AP5M1: variants seen among roughly 807,000 people sequenced by gnomAD.
AP5M1 encodes adaptor related protein complex 5 subunit mu 1.
In AP5M1, 44 loss-of-function variants were observed where a neutral mutation model predicts 52.3. That is an observed-to-expected ratio of 0.84 (90% confidence interval 0.66 to 1.08). The LOEUF (loss-of-function observed/expected upper bound fraction) is 1.08, where lower values mean the gene tolerates loss of function less well. Among genes scored for constraint, AP5M1 ranks in the 50% least tolerant of loss-of-function variants. The pLI, the probability that AP5M1 is intolerant of heterozygous loss-of-function variation, is 0.00. For missense variants in AP5M1, 526 were observed against 568.4 expected (o/e 0.93, Z 0.76); for synonymous variants, 213 against 199.0 (o/e 1.07, Z -0.59).
chr14:57,277,705 G>T (rs1478586149), intron 2 of AP5M1, among the ~76,000 whole-genome samples: 1 of 112,220 alleles, frequency 8.9e-6, no homozygotes, highest in Non-Finnish European at 1.6e-5. Flanking sequence ...TCAAATAGTA[G>T]GTAAAACATT....
chr14:57,281,414 A>G (rs1195797064), intron 3 of AP5M1, among the ~76,000 whole-genome samples: 1 of 152,242 alleles, frequency 6.6e-6, no homozygotes, highest in African/African-American at 2.4e-5. Context: ...AGAATGCAAT[A>G]GGCAATCTCA....
intron 2 of AP5M1, among the ~76,000 whole-genome samples, chr14:57,277,804 T>C (rs1381354052): frequency 6.7e-6 from 1 of 150,168 alleles, no homozygotes; most frequent in Non-Finnish European, 1.5e-5. Flanking sequence ...TTTTTTATTA[T>C]TGTTTTCTAC....
In AP5M1 at chr14:57,296,771, G is replaced by T. The variant is rs1885562030; in HGVS notation, c.*7887G>T. 1 of 152,046 alleles carries T rather than the reference G, an allele frequency of 6.6e-6. No homozygotes were observed. Among genetic ancestry groups the T allele is most frequent in the Admixed American group, 6.6e-5 (1 of 15,220 alleles). 9.4% of individuals were successfully genotyped at this position (152,046 alleles called of 1,614,324 possible). On this transcript the variant is annotated 3_prime_UTR_variant, in exon 8 of 8. Coordinates refer to ENST00000261558, the MANE Select transcript of AP5M1 (RefSeq NM_018229.4). ...TGCTGAGCAATATGGTTGAGAGGGA[G>T]ACCTTAATTTAGTCAATAAAAATTC...
At chr14:57,282,037 GT>G in intron 3 of AP5M1, 51 bp from the exon 4 acceptor site, 10 of 1,460,918 alleles carry the variant, frequency 6.8e-6, no homozygotes, top group Non-Finnish European at 9.1e-6. Context: ...TACTTTTGTT[GT>G]TTTAGACTCA....
chr14:57,297,629 G>A lies in AP5M1; in HGVS notation c.*8745G>A, dbSNP rs978671647. On this transcript the variant is annotated 3_prime_UTR_variant, in exon 8 of 8. Transcript: ENST00000261558. ...AGAAAAATACAAGCTCTAGAGTAGTGGCCTCACATTGATTTATATTAGTGT... is the reference window on the plus strand; with the variant it reads ...AGAAAAATACAAGCTCTAGAGTAGTAGCCTCACATTGATTTATATTAGTGT... 2 of 151,870 alleles carry A rather than the reference G, an allele frequency of 1.3e-5. No individual in the cohort carries two copies. Among genetic ancestry groups the A allele is most frequent in the Non-Finnish European group, 2.9e-5 (2 of 67,922 alleles). The allele number at this position is 151,870 out of a possible 1,614,324, so 9.4% of individuals were successfully genotyped here.
At chr14:57,285,720 G>A (rs10132705) in intron 6 of AP5M1, among the ~76,000 whole-genome samples, 5,195 of 152,146 alleles carry the variant, frequency 0.034, 309 homozygotes, top group African/African-American at 0.12. Flanking sequence ...ATTAGAAGGT[G>A]TATACTTTCC....
In AP5M1 at chr14:57,295,969, T is replaced by C. The variant is rs1885543811; in HGVS notation, c.*7085T>C. 1 of 151,972 alleles carries C rather than the reference T, an allele frequency of 6.6e-6. No individual in the cohort carries two copies. Among genetic ancestry groups the C allele is most frequent in the Non-Finnish European group, 1.5e-5 (1 of 67,938 alleles). 9.4% of individuals were successfully genotyped at this position (151,972 alleles called of 1,614,324 possible). A position where few individuals can be genotyped will look rare whatever the true frequency, so the allele number is the denominator to read the frequency against. ...AGAGCTACAGTTATTTTGAACTACC[T>C]CGTAAAGACTACATTGAGAATGAAA... On this transcript the variant is annotated 3_prime_UTR_variant, in exon 8 of 8. Coordinates refer to ENST00000261558, the MANE Select transcript of AP5M1 (RefSeq NM_018229.4).
At chr14:57,276,505 G>A (rs548929949) in intron 2 of AP5M1, among the ~76,000 whole-genome samples, 4 of 152,114 alleles carry the variant, frequency 2.6e-5, no homozygotes, top group South Asian at 2.1e-4. Flanking sequence ...GAACTGGGAG[G>A]CAGAGGCTGC....
At chr14:57,271,165 C>T (rs970566551) in intron 1 of AP5M1, 1 of 152,260 alleles carries the variant, frequency 6.6e-6, no homozygotes, top group Non-Finnish European at 1.5e-5. Flanking sequence ...CTGTAGTACT[C>T]ATGGTTCACA....
Position 57,269,009 on chromosome 14 carries a change from G to A in AP5M1, c.-306G>A. On this transcript the variant is annotated 5_prime_UTR_variant, in exon 1 of 8. Transcript: ENST00000261558. Reference sequence around the variant, plus strand: ...CCGTGTATGAGGAACTTTGATCCTTGCGGGCCACCATTCCGGAAGTAGAAT... The same window carrying A: ...CCGTGTATGAGGAACTTTGATCCTTACGGGCCACCATTCCGGAAGTAGAAT... 1.8e-6 allele frequency: 1 copy of A among 555,244 alleles called. No individual in the cohort carries two copies. The highest frequency in any genetic ancestry group is 3.1e-6 in the Non-Finnish European group (1 of 318,664). The allele number at this position is 555,244 out of a possible 1,614,324, so 34.4% of individuals were successfully genotyped here.
rs186137808 is a variant in AP5M1, at chr14:57,290,808, C to T, written c.*1924C>T. On this transcript the variant is annotated 3_prime_UTR_variant, in exon 8 of 8. Coordinates refer to ENST00000261558, the MANE Select transcript of AP5M1 (RefSeq NM_018229.4). ...GATGCTTTTGATTTTGTCTAGAAAC[C>T]TGTCACTTCAGGATAATTTCTGAAG... The T allele has an allele frequency of 3.9e-5, 6 of 151,986 alleles. No homozygotes were observed. The highest frequency in any genetic ancestry group is 1.2e-4 in the African/African-American group (5 of 41,526). The allele number at this position is 151,986 out of a possible 1,614,324, so 9.4% of individuals were successfully genotyped here. A position where few individuals can be genotyped will look rare whatever the true frequency, so the allele number is the denominator to read the frequency against.
Position 57,282,171 on chromosome 14 carries a change from AT to A in AP5M1, c.1032del (p.His344GlnfsTer4). 6.3e-7 allele frequency: 1 copy of A among 1,579,494 alleles called. No individual in the cohort carries two copies. Among genetic ancestry groups the A allele is most frequent in the Non-Finnish European group, 8.6e-7 (1 of 1,167,514 alleles). On this transcript the variant is annotated frameshift_variant, in exon 4 of 8. Transcript: ENST00000261558. LOFTEE classifies it high-confidence loss of function. The stretch of plus-strand genomic sequence containing the variant: ...AGAATAACCATTAATTTAAAACTTC[AT>A]GAAAGTGTGAAAAATAATTTTGAAT... ...QLRITINLKL[H>X]ESVKNNFEFC...
chr14:57,284,858 G>A (rs1037218529), intron 6 of AP5M1, among the ~76,000 whole-genome samples: 1 of 151,934 alleles, frequency 6.6e-6, no homozygotes, highest in Non-Finnish European at 1.5e-5. Flanking sequence ...GGAAGAAATG[G>A]GTTTCATATC....
At position 57,290,254 on chromosome 14, in the gene AP5M1, C is replaced by G. The variant is rs1337657866; in HGVS notation, c.*1370C>G. The G allele has an allele frequency of 6.6e-6, 1 of 151,876 alleles. No homozygotes were observed. Among genetic ancestry groups the G allele is most frequent in the Non-Finnish European group, 1.5e-5 (1 of 67,902 alleles). The allele number at this position is 151,876 out of a possible 1,614,324, so 9.4% of individuals were successfully genotyped here. A position where few individuals can be genotyped will look rare whatever the true frequency, so the allele number is the denominator to read the frequency against. ...AAACTCATTTTCTGCAAAGCATTAT[C>G]ATGGCATAAGGTTCTATGTTCAAAA... On this transcript the variant is annotated 3_prime_UTR_variant, in exon 8 of 8. Transcript: ENST00000261558.
rs1034567968 is a variant in AP5M1 at position 57,290,610 on chromosome 14, G to A, written c.*1726G>A. 1 of 151,908 alleles carries A rather than the reference G, an allele frequency of 6.6e-6. No homozygotes were observed. Among genetic ancestry groups the A allele is most frequent in the Non-Finnish European group, 1.5e-5 (1 of 67,900 alleles). The allele number at this position is 151,908 out of a possible 1,614,324, so 9.4% of individuals were successfully genotyped here. On this transcript the variant is annotated 3_prime_UTR_variant, in exon 8 of 8. Coordinates refer to ENST00000261558, the MANE Select transcript of AP5M1 (RefSeq NM_018229.4). ...AGTTTATAAGCAGTTAGAAAAATCA[G>A]TGAATCTTCTATTTGACATTTCTAG...
rs1884822229 is a variant in AP5M1 at position 57,269,466 on chromosome 14, C to A, written c.74+78C>A. 4 of 1,459,690 alleles carry A rather than the reference C, an allele frequency of 2.7e-6. No individual in the cohort carries two copies. In the Admixed American group the frequency reaches 5.1e-5, roughly 19 times the overall value. The allele number at this position is 1,459,690 out of a possible 1,614,324, so 90.4% of individuals were successfully genotyped here. On this transcript the variant is annotated intron_variant, in intron 1 of 7. Coordinates refer to ENST00000261558, the MANE Select transcript of AP5M1 (RefSeq NM_018229.4). ...AGCATAGTTTTGTGGTGCTTCGTGG[C>A]CCAGGTTTGCCACGAATAGCTGCGT...
intron 4 of AP5M1, 42 bp from the exon 5 acceptor site, chr14:57,282,892 A>C: frequency 3.7e-6 from 5 of 1,361,118 alleles, no homozygotes; most frequent in Non-Finnish European, 5.1e-6. Context: ...TAAAACTGTT[A>C]TATCTATGAT....
At chr14:57,285,440 G>A (rs907816026) in intron 6 of AP5M1, among the ~76,000 whole-genome samples, 1 of 151,990 alleles carries the variant, frequency 6.6e-6, no homozygotes, top group African/African-American at 2.4e-5. Context: ...TATTTCAGTT[G>A]TATGGAAATC....
chr14:57,282,189 A>T lies in AP5M1; in HGVS notation c.1049A>T (p.Asn350Ile). The T allele has an allele frequency of 6.4e-7, 1 of 1,574,786 alleles. No individual in the cohort carries two copies. The highest frequency in any genetic ancestry group is 8.6e-7 in the Non-Finnish European group (1 of 1,165,038). The change falls in exon 4 of 8, where the codon AAT becomes ATT. Residue 350 changes from asparagine to isoleucine, a missense_variant. Physicochemically the swap from Asn to Ile is moderately radical, Grantham distance 149. Transcript: ENST00000261558. ...NLKLHESVKN[N>I]FEFCEAHIPF... is the part of the protein sequence containing the mutation. ...AAACTTCATGAAAGTGTGAAAAATAATTTTGAATTCTGTGAAGCCCATATA... is the reference window on the plus strand; with the variant it reads ...AAACTTCATGAAAGTGTGAAAAATATTTTTGAATTCTGTGAAGCCCATATA...
Sources: gnomAD v4.1 joint callset for allele counts (sites outside exome capture counted in the v4.1 genomes callset) on GRCh38, gnomAD v4.1.1 for gene constraint, MANE v1.5 for transcripts, NCBI Gene and HGNC (gene_info 2026-07-23, HGNC 2026-07-21) for gene names.